The following RBIS variants were observed in gnomAD, a reference collection of about 807,000 sequenced individuals.
RBIS encodes the protein ribosome biogenesis factor identified in screen.
RBIS carries 9 observed loss-of-function variants against 9.8 expected under a neutral mutation model. The ratio of observed to expected loss-of-function variants is 0.92; its 90% CI spans 0.56 to 1.61. The LOEUF (loss-of-function observed/expected upper bound fraction) is 1.61. Among genes scored for constraint, RBIS ranks in the 40% most tolerant of loss-of-function variants. RBIS has a pLI of 0.00. For missense variants in RBIS, 103 were observed against 116.0 expected (o/e 0.89, Z 0.51); for synonymous variants, 35 against 37.9 (o/e 0.92, Z 0.28).
rs2129790541 is a variant in RBIS at position 85,214,579 on chromosome 8, C to T, written c.284G>A (p.Arg95Lys). The part of the protein sequence containing the change: ...SKPVNVDEAT[R>K]LMALL ...AGTATATTACAACAGAGCCATTAATCTTGTAGCTTCATCAACATTAACTGG... is the reference window on the plus strand; with the variant it reads ...AGTATATTACAACAGAGCCATTAATTTTGTAGCTTCATCAACATTAACTGG... Residue 95 changes from arginine (R) to lysine (K), a missense_variant, in exon 4 of 4, where the codon AGA becomes AAA. By Grantham distance (26) the Arg-to-Lys change is conservative. Transcript: ENST00000619594. 1.3e-6 allele frequency: 2 copies of T among 1,576,134 alleles called. No homozygotes were observed. The highest frequency in any genetic ancestry group is 4.5e-5 in the East Asian group (2 of 44,586).
chr8:85,217,670 T>C (rs954947591), intron 1 of RBIS, 168 bp from the exon 2 acceptor site: 12 of 602,824 alleles, frequency 2.0e-5, no homozygotes, highest in Admixed American at 9.0e-5. Flanking sequence ...GTAGATTTTC[T>C]GCTCTTTGAG....
At chr8:85,215,215 A>G in intron 2 of RBIS, 178 bp from the exon 3 acceptor site, 1 of 385,796 alleles carries the variant, frequency 2.6e-6, no homozygotes, top group South Asian at 4.7e-5. Flanking sequence ...TTTGGTTTTT[A>G]AAAAATGGGA....
intron 2 of RBIS, chr8:85,216,177 AC>A (rs1813143082): frequency 6.6e-6 from 1 of 152,176 alleles, no homozygotes; most frequent in African/African-American, 2.4e-5. Flanking sequence ...TATACAAGAA[AC>A]CTGGATCAAA....
intron 1 of RBIS, chr8:85,219,444 A>G (rs1217372186): frequency 6.6e-6 from 1 of 152,146 alleles, no homozygotes. Flanking sequence ...AACCCCTCAA[A>G]TGAAGTACTC....
Position 85,214,204 on chromosome 8 carries a change from C to T in RBIS, c.*356G>A, listed in dbSNP as rs1291548943. On this transcript the variant is annotated 3_prime_UTR_variant, in exon 4 of 4. Coordinates refer to ENST00000619594, the MANE Select transcript of RBIS (RefSeq NM_001099673.3). ...TACAGGTCATCAAAAACAAGTTGGC[C>T]AAGGACTCATTACTTGTCTTATATT... is the stretch of plus-strand genomic sequence containing the variant. The T allele has an allele frequency of 1.7e-5, 9 of 536,970 alleles. No individual in the cohort carries two copies. Among genetic ancestry groups the T allele is most frequent in the Non-Finnish European group, 2.5e-5 (7 of 281,162 alleles). The allele number at this position is 536,970 out of a possible 1,614,324, so 33.3% of individuals were successfully genotyped here.
chr8:85,217,771 A>G (rs1813208916), intron 1 of RBIS: 2 of 455,452 alleles, frequency 4.4e-6, no homozygotes, highest in Non-Finnish European at 7.8e-6. Flanking sequence ...ATTCACTAAT[A>G]TCATCAACAC....
Position 85,214,576 on chromosome 8 carries a change from A to C in RBIS, c.287T>G (p.Leu96Ter). Reference protein sequence around the residue: ...KPVNVDEATRLMALL With the variant: ...KPVNVDEATR ...ACCAGTATATTACAACAGAGCCATT[A>C]ATCTTGTAGCTTCATCAACATTAAC... is the stretch of plus-strand genomic sequence containing the variant. The change falls in exon 4 of 4, where the codon TTA becomes TGA. Residue 96 changes from leucine to a stop codon, truncating the protein, a stop_gained. Coordinates refer to ENST00000619594, the MANE Select transcript of RBIS (RefSeq NM_001099673.3). LOFTEE classifies it high-confidence loss of function. The C allele has an allele frequency of 1.9e-6, 3 of 1,574,298 alleles. No homozygotes were observed. Among genetic ancestry groups the C allele is most frequent in the Non-Finnish European group, 2.6e-6 (3 of 1,144,492 alleles).
rs748508230 is a variant in RBIS, at chr8:85,214,918, T to G, written c.231+3A>C. On this transcript the variant is annotated splice_donor_region_variant and intron_variant, in intron 3 of 3. Coordinates refer to ENST00000619594, the MANE Select transcript of RBIS (RefSeq NM_001099673.3). ...TAAAAAAAAGCAAATGATTTCTGCT[T>G]ACCAGTTCTTTCTGCAGAGGTTCAA... 6.8e-7 allele frequency: 1 copy of G among 1,476,774 alleles called. No individual in the cohort carries two copies. Among genetic ancestry groups the G allele is most frequent in the Non-Finnish European group, 9.3e-7 (1 of 1,071,634 alleles). The allele number at this position is 1,476,774 out of a possible 1,614,324, so 91.5% of individuals were successfully genotyped here. A position where few individuals can be genotyped will look rare whatever the true frequency, so the allele number is the denominator to read the frequency against.
rs376907630 is a variant in RBIS, at chr8:85,214,518, A to G, written c.*42T>C. On this transcript the variant is annotated 3_prime_UTR_variant, in exon 4 of 4. Transcript: ENST00000619594. The stretch of plus-strand genomic sequence containing the variant: ...AAAATAAAATTGTATAAAACATTCA[A>G]TTTATTGGTCTTTGTGGAGAATTAG... The G allele has an allele frequency of 3.1e-6, 4 of 1,282,338 alleles. No homozygotes were observed. The highest frequency in any genetic ancestry group is 4.5e-6 in the Non-Finnish European group (4 of 890,128). 79.4% of individuals were successfully genotyped at this position (1,282,338 alleles called of 1,614,324 possible).
Position 85,214,211 on chromosome 8 carries a change from T to G in RBIS, c.*349A>C, listed in dbSNP as rs755600082. On this transcript the variant is annotated 3_prime_UTR_variant, in exon 4 of 4. Transcript: ENST00000619594. ...CATCAAAAACAAGTTGGCCAAGGAC[T>G]CATTACTTGTCTTATATTTTTACTG... 1 of 538,166 alleles carries G rather than the reference T, an allele frequency of 1.9e-6. No individual in the cohort carries two copies. The allele number at this position is 538,166 out of a possible 1,614,324, so 33.3% of individuals were successfully genotyped here. A position where few individuals can be genotyped will look rare whatever the true frequency, so the allele number is the denominator to read the frequency against.
chr8:85,217,474 G>A lies in RBIS; in HGVS notation c.26C>T (p.Pro9Leu), dbSNP rs747993722. 16 of 1,611,076 alleles carry A rather than the reference G, an allele frequency of 9.9e-6. No individual in the cohort carries two copies. The highest frequency in any genetic ancestry group is 4.5e-5 in the East Asian group (2 of 44,810). MAKNKLRG[P>L]KSRNVFHIAS... ...TATGTGAAATACATTCCTGGACTTC[G>A]GCCCTCTTAATTTGTTCTTGGCCAT... Residue 9 changes from proline to leucine, a missense_variant, in exon 2 of 4, where the codon CCG (proline) becomes CTG (leucine). Transcript: ENST00000619594.
intron 3 of RBIS, 63 bp downstream of exon 3, chr8:85,214,858 G>T: frequency 1.1e-6 from 1 of 926,184 alleles, no homozygotes; most frequent in Non-Finnish European, 1.7e-6. Context: ...TTGAAAACTT[G>T]GGAGTTTAAT....
intron 2 of RBIS, chr8:85,217,039 A>G (rs1813179065): frequency 2.5e-6 from 1 of 396,176 alleles, no homozygotes; most frequent in African/African-American, 2.1e-5. Context: ...CTGACATCCC[A>G]TGTCTTGCCT....
Position 85,214,192 on chromosome 8 carries a change from A to C in RBIS, c.*368T>G, listed in dbSNP as rs538023692. 1.1e-5 allele frequency: 6 copies of C among 537,400 alleles called. No individual in the cohort carries two copies. The African/African-American group carries it at 1.1e-4, about 10-fold the overall frequency. The allele number at this position is 537,400 out of a possible 1,614,324, so 33.3% of individuals were successfully genotyped here. ...GTTAAAGGACACTACAGGTCATCAA[A>C]AACAAGTTGGCCAAGGACTCATTAC... On this transcript the variant is annotated 3_prime_UTR_variant, in exon 4 of 4. Transcript: ENST00000619594.
intron 1 of RBIS, chr8:85,218,966 C>G (rs1237077666): frequency 6.6e-6 from 1 of 152,254 alleles, no homozygotes; most frequent in African/African-American, 2.4e-5. Flanking sequence ...CGACCTTTAA[C>G]AGAAAGTCTG....
Position 85,216,489 on chromosome 8 carries a change from C to G in RBIS, c.114+897G>C, listed in dbSNP as rs149452965. On this transcript the variant is annotated intron_variant, in intron 2 of 3. Transcript: ENST00000619594. ...ATAAAATAATCTTCCTCAAATACAC[C>G]AAGCTTTTCCCTAGCTCAGGGCCTC... 1.7e-3 allele frequency among the ~76,000 whole-genome samples: 254 copies of G among 152,248 alleles called. 1 individual carries two copies. Among genetic ancestry groups the G allele is most frequent in the African/African-American group, 5.2e-3 (217 of 41,550 alleles).
Position 85,214,619 on chromosome 8 carries a change from G to C in RBIS, c.244C>G (p.Arg82Gly). Residue 82 changes from arginine (R) to glycine (G), a missense_variant, in exon 4 of 4, where the codon CGT becomes GGT. Arg to Gly is a moderately radical substitution (Grantham distance 125). Coordinates refer to ENST00000619594, the MANE Select transcript of RBIS (RefSeq NM_001099673.3). The part of the protein sequence containing the change: ...PLQKELIPQQ[R>G]HESKPVNVDE... ...ACATTAACTGGTTTGCTTTCATGAC[G>C]CTGCTGAGGAATCTGAAAGGAGAAA... is the stretch of plus-strand genomic sequence containing the variant. 1 of 1,571,284 alleles carries C rather than the reference G, an allele frequency of 6.4e-7. No homozygotes were observed. The highest frequency in any genetic ancestry group is 1.3e-5 in the African/African-American group (1 of 74,160).
intron 2 of RBIS, chr8:85,216,836 A>G (rs1161014466): frequency 6.5e-6 from 1 of 154,072 alleles, no homozygotes; most frequent in Non-Finnish European, 1.4e-5. Context: ...ACTTGAAAAC[A>G]TTTTCTTAAA....
At position 85,214,647 on chromosome 8, in the gene RBIS, A is replaced by G; in HGVS notation, c.232-16T>C. 2 of 1,467,726 alleles carry G rather than the reference A, an allele frequency of 1.4e-6. No individual in the cohort carries two copies. The highest frequency in any genetic ancestry group is 1.9e-6 in the Non-Finnish European group (2 of 1,049,192). 90.9% of individuals were successfully genotyped at this position (1,467,726 alleles called of 1,614,324 possible). Reference sequence around the variant, plus strand: ...GCTGAGGAATCTGAAAGGAGAAAGTATTATATTTAAAAACACAGACAACAA... The same window carrying G: ...GCTGAGGAATCTGAAAGGAGAAAGTGTTATATTTAAAAACACAGACAACAA... On this transcript the variant is annotated splice_polypyrimidine_tract_variant and intron_variant, in intron 3 of 3. Coordinates refer to ENST00000619594, the MANE Select transcript of RBIS (RefSeq NM_001099673.3).
Sources: gnomAD v4.1 joint callset for allele counts (sites outside exome capture counted in the v4.1 genomes callset) on GRCh38, gnomAD v4.1.1 for gene constraint, MANE v1.5 for transcripts, NCBI Gene and HGNC (gene_info 2026-07-23, HGNC 2026-07-21) for gene names.